PTK2: variants seen among roughly 807,000 people sequenced by gnomAD.
PTK2 encodes the protein focal adhesion kinase 1.
A neutral mutation model predicts 150.1 loss-of-function variants in PTK2; 45 were observed. The observed-to-expected ratio is 0.30, with a 90% CI of 0.24 to 0.38. The LOEUF (loss-of-function observed/expected upper bound fraction) is 0.38. Ranked by LOEUF, PTK2 falls within the 10% of genes least tolerant of loss-of-function variation. PTK2 has a pLI of 1.00. For missense variants in PTK2, 919 were observed against 1,307.3 expected (o/e 0.70, Z 4.58); for synonymous variants, 432 against 449.2 (o/e 0.96, Z 0.48).
chr8:140,746,007 A>G (rs931957899), intron 18 of PTK2, among the ~76,000 whole-genome samples: 3 of 152,084 alleles, frequency 2.0e-5, no homozygotes, highest in Admixed American at 6.5e-5. Flanking sequence ...CTCAAAAAAA[A>G]AAAAAAGAAA....
chr8:140,882,788 T>C lies in PTK2; in HGVS notation c.196-3151A>G, dbSNP rs77360227. Among the ~76,000 whole-genome samples, 1,086 of 152,340 alleles carry C rather than the reference T, an allele frequency of 7.1e-3. 23 individuals are homozygous for C. In the East Asian group the frequency reaches 0.094, roughly 13 times the overall value. ...TTCTAGCTGTCATCAAAGGTATTTA[T>C]GACCACTGCATAGAAACAGACAAAA... On this transcript the variant is annotated intron_variant, in intron 3 of 31. Coordinates refer to ENST00000522684, the Ensembl canonical transcript of PTK2.
At chr8:140,935,475 G>C (rs958890640) in intron 1 of PTK2, among the ~76,000 whole-genome samples, 1 of 152,074 alleles carries the variant, frequency 6.6e-6, no homozygotes, top group Non-Finnish European at 1.5e-5. Flanking sequence ...ATCAACTGTA[G>C]ACAGGTCCTC....
chr8:140,847,516 T>C (rs1305164921), intron 5 of PTK2, among the ~76,000 whole-genome samples: 1 of 152,178 alleles, frequency 6.6e-6, no homozygotes, highest in African/African-American at 2.4e-5. Flanking sequence ...TGCAATTGAT[T>C]TTGATGAGAG....
intron 8 of PTK2, among the ~76,000 whole-genome samples, chr8:140,827,627 T>A (rs1397355139): frequency 6.6e-6 from 1 of 152,120 alleles, no homozygotes; most frequent in African/African-American, 2.4e-5. Context: ...TCTTCTAAAG[T>A]CTTATCCTGT....
intron 26 of PTK2, among the ~76,000 whole-genome samples, chr8:140,693,496 G>A (rs10875457): frequency 0.4 from 57,925 of 146,102 alleles, 12,559 homozygotes; most frequent in Non-Finnish European, 0.49. Flanking sequence ...AGGAGGTTAG[G>A]GATGCAGTGA....
chr8:140,889,828 C>T (rs1461115986), intron 3 of PTK2, among the ~76,000 whole-genome samples: 1 of 152,102 alleles, frequency 6.6e-6, no homozygotes, highest in Non-Finnish European at 1.5e-5. Context: ...CTTTTCATTC[C>T]CCACCTTCAG....
chr8:140,965,247 T>C (rs1039659434), intron 1 of PTK2, among the ~76,000 whole-genome samples: 1 of 152,208 alleles, frequency 6.6e-6, no homozygotes, highest in Non-Finnish European at 1.5e-5. Context: ...TAAACTATTG[T>C]CAGTTTACAG....
In PTK2 at chr8:140,715,716, T is replaced by C. The variant is rs1379260015; in HGVS notation, c.2142+1882A>G. ...CATCTGTTTACTTAACAAATAAACC[T>C]TTGTGTAGAGTGCAGCAATCTGCTT... On this transcript the variant is annotated intron_variant, in intron 23 of 31. Coordinates refer to ENST00000522684, the Ensembl canonical transcript of PTK2. Among the ~76,000 whole-genome samples, 4 of 152,088 alleles carry C rather than the reference T, an allele frequency of 2.6e-5. No homozygotes were observed. In the East Asian group the frequency reaches 7.7e-4, roughly 29 times the overall value.
chr8:140,983,156 G>A (rs2100192076), intron 1 of PTK2, among the ~76,000 whole-genome samples: 2 of 152,186 alleles, frequency 1.3e-5, no homozygotes, highest in South Asian at 4.1e-4. Context: ...GGAGGCCAAG[G>A]CAGGCGGATC....
At chr8:140,662,718 A>G in intron 31 of PTK2, 1 of 595,134 alleles carries the variant, frequency 1.7e-6, no homozygotes, top group South Asian at 1.9e-5. Context: ...CAACTGGAAC[A>G]TCCCCTGGAC....
intron 26 of PTK2, among the ~76,000 whole-genome samples, chr8:140,693,725 G>T (rs1169538803): frequency 6.6e-6 from 1 of 152,070 alleles, no homozygotes; most frequent in Non-Finnish European, 1.5e-5. Context: ...GAGATCCAGA[G>T]GAGGGACTCC....
chr8:140,925,561 C>T lies in PTK2; in HGVS notation c.-33+100G>A, dbSNP rs529569170. 4.2e-6 allele frequency: 3 copies of T among 708,574 alleles called. No individual in the cohort carries two copies. In the South Asian group the frequency reaches 1.9e-4, roughly 45 times the overall value. The allele number at this position is 708,574 out of a possible 1,614,324, so 43.9% of individuals were successfully genotyped here. On this transcript the variant is annotated intron_variant, in intron 2 of 31. Coordinates refer to ENST00000522684, the Ensembl canonical transcript of PTK2. ...ATATTAGTCATAATAAATCTAATCA[C>T]CTTCCAAAGACAGACAACAGGAAAT...
chr8:140,832,488 G>A (rs929413328), intron 7 of PTK2, among the ~76,000 whole-genome samples: 1 of 152,218 alleles, frequency 6.6e-6, no homozygotes, highest in African/African-American at 2.4e-5. Context: ...GTTTAAGTAA[G>A]ACTGTTTATG....
intron 14 of PTK2, among the ~76,000 whole-genome samples, chr8:140,768,503 C>T (rs1007643798): frequency 5.9e-5 from 9 of 152,230 alleles, no homozygotes; most frequent in Non-Finnish European, 1.2e-4. Flanking sequence ...AATCCCTCAG[C>T]TAGTCAGCTG....
chr8:140,879,471 T>G, exon 4 of PTK2: 1 of 1,601,736 alleles, frequency 6.2e-7, no homozygotes, highest in Non-Finnish European at 8.5e-7. Flanking sequence ...TGTATCTTAC[T>G]TCCACTCCTC....
chr8:140,683,895 TATC>T (rs1328739606), intron 27 of PTK2, among the ~76,000 whole-genome samples: 2 of 151,614 alleles, frequency 1.3e-5, no homozygotes, highest in East Asian at 1.9e-4. Context: ...CCACAGCCAA[TATC>T]ATATTGAATG....
At chr8:140,937,699 G>C (rs1296377947) in intron 1 of PTK2, among the ~76,000 whole-genome samples, 1 of 151,890 alleles carries the variant, frequency 6.6e-6, no homozygotes, top group Non-Finnish European at 1.5e-5. Context: ...CATATTCCTA[G>C]TCCCAAAATA....
intron 1 of PTK2, among the ~76,000 whole-genome samples, chr8:140,942,455 C>T (rs943916105): frequency 3.3e-5 from 5 of 152,084 alleles, no homozygotes; most frequent in African/African-American, 9.7e-5. Context: ...AAATATAAAG[C>T]CTTTAGGCCA....
chr8:140,937,039 G>C (rs576137637), intron 1 of PTK2, among the ~76,000 whole-genome samples: 44 of 152,208 alleles, frequency 2.9e-4, no homozygotes, highest in African/African-American at 1.1e-3. Flanking sequence ...AAAAACAGAT[G>C]TAAAGATAAT....
Sources: allele counts gnomAD v4.1 joint callset (sites outside exome capture counted in the v4.1 genomes callset), GRCh38; gene constraint gnomAD v4.1.1; transcripts MANE v1.5; gene names NCBI Gene and HGNC (gene_info 2026-07-23, HGNC 2026-07-21).